RAD51B: variants seen among roughly 807,000 people sequenced by gnomAD.
RAD51B encodes RAD51 paralog B.
A neutral mutation model predicts 42.2 loss-of-function variants in RAD51B; 38 were observed. The ratio of observed to expected loss-of-function variants is 0.90; its 90% CI spans 0.70 to 1.18. The LOEUF is 1.18. Ranked by LOEUF, RAD51B falls within the 50% of genes most tolerant of loss-of-function variation. RAD51B has a pLI of 0.00. For synonymous variants in RAD51B, 154 were observed against 145.2 expected, an observed-to-expected ratio of 1.06 and a Z score of -0.43; for missense variants, 373 against 400.7, an observed-to-expected ratio of 0.93 and a Z score of 0.59.
intron 7 of RAD51B, among the ~76,000 whole-genome samples, chr14:68,214,797 C>A (rs1047350184): frequency 9.9e-5 from 15 of 152,200 alleles, no homozygotes; most frequent in Non-Finnish European, 2.1e-4. Flanking sequence ...CGTGTCCTTC[C>A]CCCAGGACTC....
intron 7 of RAD51B, among the ~76,000 whole-genome samples, chr14:67,963,433 T>C (rs1045671243): frequency 3.3e-5 from 5 of 152,154 alleles, no homozygotes; most frequent in Non-Finnish European, 7.4e-5. Flanking sequence ...TATTTGAATT[T>C]ATATAATGAG....
chr14:68,582,965 A>C (rs1337531338), intron 10 of RAD51B, among the ~76,000 whole-genome samples: 1 of 152,068 alleles, frequency 6.6e-6, no homozygotes, highest in East Asian at 1.9e-4. Flanking sequence ...ACACATGGAC[A>C]CAGGGAGGGG....
intron 10 of RAD51B, among the ~76,000 whole-genome samples, chr14:68,591,427 C>T (rs1890735515): frequency 6.6e-6 from 1 of 152,200 alleles, no homozygotes; most frequent in African/African-American, 2.4e-5. Context: ...TTGGCTTTTC[C>T]ATCTCTAAAT....
intron 10 of RAD51B, among the ~76,000 whole-genome samples, chr14:68,646,719 C>T (rs1378553879): frequency 6.6e-6 from 1 of 152,080 alleles, no homozygotes; most frequent in Non-Finnish European, 1.5e-5. Context: ...TACATTTAAC[C>T]GTCTAAACTA....
chr14:68,075,358 G>A (rs1358156255), intron 7 of RAD51B, among the ~76,000 whole-genome samples: 3 of 152,092 alleles, frequency 2.0e-5, no homozygotes, highest in African/African-American at 7.2e-5. Flanking sequence ...AGTGGTACTG[G>A]CAGAGGGGCT....
intron 7 of RAD51B, among the ~76,000 whole-genome samples, chr14:67,927,337 G>A (rs12431697): frequency 0.33 from 49,716 of 152,020 alleles, 11,567 homozygotes; most frequent in African/African-American, 0.66. Context: ...TTTATGTGGT[G>A]TCATTTCAAG....
chr14:68,488,828 TTCACAG>T (rs1883846105), intron 10 of RAD51B, among the ~76,000 whole-genome samples: 1 of 152,254 alleles, frequency 6.6e-6, no homozygotes, highest in African/African-American at 2.4e-5. Flanking sequence ...AAATTTCTCT[TTCACAG>T]TCTCAGCTCT....
intron 11 of RAD51B, among the ~76,000 whole-genome samples, chr14:68,668,211 C>T (rs1218633218): frequency 6.6e-6 from 1 of 152,228 alleles, no homozygotes; most frequent in African/African-American, 2.4e-5. Flanking sequence ...TTCCTCGAAG[C>T]AGCCACATTC....
chr14:67,866,354 CACTCAAATTGTCCAAGT>C (rs1204087508), intron 5 of RAD51B, among the ~76,000 whole-genome samples: 16 of 152,190 alleles, frequency 1.1e-4, no homozygotes, highest in Admixed American at 6.5e-4. Flanking sequence ...AAGACTGGTT[CACTCAAATTGTCCAAGT>C]ACTCTTTAAA....
At chr14:68,210,496 T>C (rs1026632993) in intron 7 of RAD51B, among the ~76,000 whole-genome samples, 1 of 152,128 alleles carries the variant, frequency 6.6e-6, no homozygotes, top group Non-Finnish European at 1.5e-5. Flanking sequence ...ATTCTATGTA[T>C]ATACATGACC....
At chr14:68,207,300 A>G (rs1009976977) in intron 7 of RAD51B, among the ~76,000 whole-genome samples, 4 of 152,152 alleles carry the variant, frequency 2.6e-5, no homozygotes, top group Non-Finnish European at 5.9e-5. Context: ...TCATGAATTG[A>G]TTCATTGATA....
In RAD51B at chr14:68,277,090, T is replaced by G. The variant is rs532323131; in HGVS notation, c.757-14794T>G. On this transcript the variant is annotated intron_variant, in intron 7 of 10. Coordinates refer to ENST00000471583, the MANE Select transcript of RAD51B (RefSeq NM_133510.4). ...CCTTGCAATCTCACTCTGAACCTCC[T>G]TAGTCCCAGGTATGGGTTTCTCTCA... Among the ~76,000 whole-genome samples the G allele has an allele frequency of 3.1e-3, 468 of 152,284 alleles. 2 individuals are homozygous for G. Among genetic ancestry groups the G allele is most frequent in the African/African-American group, 0.011 (440 of 41,548 alleles).
intron 7 of RAD51B, among the ~76,000 whole-genome samples, chr14:68,164,187 TCTTA>T (rs1644585063): frequency 6.6e-6 from 1 of 152,210 alleles, no homozygotes; most frequent in Admixed American, 6.5e-5. Context: ...ATTTCCTGTC[TCTTA>T]CTTCTATGAT....
chr14:68,580,124 G>T (rs531707264), intron 10 of RAD51B, among the ~76,000 whole-genome samples: 2 of 152,342 alleles, frequency 1.3e-5, no homozygotes, highest in Non-Finnish European at 2.9e-5. Flanking sequence ...GACCCCCGCT[G>T]GCTACCATTA....
chr14:68,547,078 C>T (rs1282512242), intron 10 of RAD51B, among the ~76,000 whole-genome samples: 2 of 152,218 alleles, frequency 1.3e-5, no homozygotes, highest in Admixed American at 1.3e-4. Flanking sequence ...CAAATCCAGC[C>T]TCTCCTCACC....
intron 7 of RAD51B, 41 bp from the exon 8 acceptor site, chr14:68,291,843 T>C (rs772320551): frequency 5.4e-6 from 8 of 1,481,626 alleles, no homozygotes; most frequent in Non-Finnish European, 7.5e-6. Context: ...CCTGTCTTTC[T>C]TCTCCCTTGC....
At chr14:68,165,091 C>G (rs2078721483) in intron 7 of RAD51B, among the ~76,000 whole-genome samples, 1 of 152,158 alleles carries the variant, frequency 6.6e-6, no homozygotes, top group Non-Finnish European at 1.5e-5. Flanking sequence ...TGGAGTTGAA[C>G]TCAGTGCCAT....
intron 7 of RAD51B, among the ~76,000 whole-genome samples, chr14:68,033,252 A>G (rs2076074184): frequency 6.6e-6 from 1 of 152,240 alleles, no homozygotes; most frequent in East Asian, 1.9e-4. Context: ...TTAGAACTAC[A>G]TATGGTATTC....
At chr14:68,373,892 T>C (rs2083310484) in intron 8 of RAD51B, among the ~76,000 whole-genome samples, 1 of 152,236 alleles carries the variant, frequency 6.6e-6, no homozygotes, top group African/African-American at 2.4e-5. Context: ...TAATAATAGC[T>C]TGGTCATTTG....
Sources: gnomAD v4.1 joint callset for allele counts (sites outside exome capture counted in the v4.1 genomes callset) on GRCh38, gnomAD v4.1.1 for gene constraint, MANE v1.5 for transcripts, NCBI Gene and HGNC (gene_info 2026-07-23, HGNC 2026-07-21) for gene names.